FAM184A: variants seen among roughly 807,000 people sequenced by gnomAD.
The protein encoded by FAM184A is protein FAM184A.
FAM184A carries 99 observed loss-of-function variants against 143.8 expected under a neutral mutation model. That is an observed-to-expected ratio of 0.69 (90% confidence interval 0.58 to 0.81). The LOEUF (loss-of-function observed/expected upper bound fraction) is 0.81. Ranked by LOEUF, FAM184A falls within the 40% of genes least tolerant of loss-of-function variation. The pLI, the probability that FAM184A is intolerant of heterozygous loss-of-function variation, is 0.00. For missense variants in FAM184A, 1,217 were observed against 1,310.5 expected, an observed-to-expected ratio of 0.93 and a Z score of 1.10; for synonymous variants, 427 against 446.4, an observed-to-expected ratio of 0.96 and a Z score of 0.55.
rs890699933 is a variant in FAM184A at position 118,988,801 on chromosome 6, C to A, written c.2089-8451G>T. On this transcript the variant is annotated intron_variant, in intron 9 of 17. Transcript: ENST00000338891. ...ATACACCATTGGAAAAACCTACATA[C>A]CCCTCCCTCCTAATATGGGGGAAAA... Among the ~76,000 whole-genome samples the A allele has an allele frequency of 9.9e-5, 15 of 151,584 alleles. No homozygotes were observed. In the East Asian group the frequency reaches 2.5e-3, roughly 26 times the overall value.
At chr6:119,101,894 A>G (rs1007074917) in intron 1 of FAM184A, among the ~76,000 whole-genome samples, 4 of 152,056 alleles carry the variant, frequency 2.6e-5, no homozygotes, top group Non-Finnish European at 4.4e-5. Context: ...TGTCTGTACT[A>G]AAAATACAAA....
Position 119,129,286 on chromosome 6 carries a change from C to T in FAM184A, c.-202+19792G>A, listed in dbSNP as rs1339129913. 6.6e-5 allele frequency among the ~76,000 whole-genome samples: 10 copies of T among 152,194 alleles called. No homozygotes were observed. The East Asian group carries it at 1.9e-3, about 29-fold the overall frequency. On this transcript the variant is annotated intron_variant, in intron 1 of 16. Coordinates refer to the FAM184A transcript ENST00000352896. ...GACCTCCTGAGGATCTGTGGCTGGG[C>T]AGAGACACCTAAATGTGATCTGCAG... is the stretch of plus-strand genomic sequence containing the variant.
chr6:118,969,845 G>A (rs1783621594), intron 14 of FAM184A, among the ~76,000 whole-genome samples: 1 of 141,732 alleles, frequency 7.1e-6, no homozygotes, highest in Non-Finnish European at 1.5e-5. Context: ...CCCCTCCCTG[G>A]GCCCACATGT....
At chr6:119,058,604 A>AC (rs1787101720) in intron 1 of FAM184A, among the ~76,000 whole-genome samples, 1 of 152,192 alleles carries the variant, frequency 6.6e-6, no homozygotes, top group African/African-American at 2.4e-5. Flanking sequence ...CTAGGTCAGT[A>AC]GGAGCCTGGC....
In FAM184A at chr6:119,078,454, C is replaced by T. The variant is rs117115414; in HGVS notation, c.-155G>A. On this transcript the variant is annotated 5_prime_UTR_variant, in exon 1 of 18. Coordinates refer to ENST00000338891, the MANE Select transcript of FAM184A (RefSeq NM_024581.6). This position sits in a 1 kb window ranked among gnomAD's most constrained non-coding sequence, Gnocchi z 5.5. The stretch of plus-strand genomic sequence containing the variant: ...GCCGCAGGCGCCGTCCCACCCGCGA[C>T]CCCCGGGTCACCCCTGGAAGGGACG... 0.014 allele frequency: 10,445 copies of T among 720,550 alleles called. 658 individuals are homozygous for T. In the Admixed American group the frequency reaches 0.16, roughly 11 times the overall value. The allele number at this position is 720,550 out of a possible 1,614,324, so 44.6% of individuals were successfully genotyped here. A position where few individuals can be genotyped will look rare whatever the true frequency, so the allele number is the denominator to read the frequency against.
At chr6:118,995,078 T>C (rs1275903850) in intron 9 of FAM184A, among the ~76,000 whole-genome samples, 1 of 152,182 alleles carries the variant, frequency 6.6e-6, no homozygotes, top group Non-Finnish European at 1.5e-5. Context: ...ATATTGATAC[T>C]AGTCTTACAT....
intron 1 of FAM184A, among the ~76,000 whole-genome samples, chr6:119,083,758 A>G (rs1788138468): frequency 6.6e-6 from 1 of 152,134 alleles, no homozygotes; most frequent in South Asian, 2.1e-4. Context: ...TCATTCAACA[A>G]GTCTCTAGGA....
intron 13 of FAM184A, 109 bp from the exon 14 acceptor site, chr6:118,974,683 T>C (rs1244687064): frequency 2.1e-6 from 2 of 939,058 alleles, no homozygotes; most frequent in Non-Finnish European, 1.5e-6. Context: ...ATATAGAAAA[T>C]TTATGTAAAC....
intron 1 of FAM184A, among the ~76,000 whole-genome samples, chr6:119,029,752 T>G (rs1785800839): frequency 6.6e-6 from 1 of 152,206 alleles, no homozygotes; most frequent in South Asian, 2.1e-4. Context: ...TCACTTGACA[T>G]TCTAATGCAG....
At chr6:118,992,359 C>T (rs571521960) in intron 9 of FAM184A, among the ~76,000 whole-genome samples, 1 of 152,236 alleles carries the variant, frequency 6.6e-6, no homozygotes, top group African/African-American at 2.4e-5. Context: ...AAAAGTGTTC[C>T]CTTAGCCTCA....
intron 14 of FAM184A, among the ~76,000 whole-genome samples, chr6:118,969,270 C>T (rs975957523): frequency 2.0e-5 from 3 of 152,092 alleles, no homozygotes; most frequent in African/African-American, 4.8e-5. Flanking sequence ...TACCCAGTCT[C>T]GGGCATGACT....
At chr6:119,042,567 G>C (rs1786379697) in intron 1 of FAM184A, among the ~76,000 whole-genome samples, 1 of 152,030 alleles carries the variant, frequency 6.6e-6, no homozygotes, top group South Asian at 2.1e-4. Flanking sequence ...CCAATAATTT[G>C]GGGTAATTCA....
At chr6:118,992,485 A>T (rs1309236895) in intron 9 of FAM184A, among the ~76,000 whole-genome samples, 1 of 152,182 alleles carries the variant, frequency 6.6e-6, no homozygotes, top group African/African-American at 2.4e-5. Flanking sequence ...GTCCTTATAA[A>T]GAAATCCCAG....
At chr6:119,113,599 G>C (rs966948722) in intron 1 of FAM184A, among the ~76,000 whole-genome samples, 1 of 151,872 alleles carries the variant, frequency 6.6e-6, no homozygotes, top group African/African-American at 2.4e-5. Context: ...AAATAGGTGA[G>C]TACAGTACAA....
intron 1 of FAM184A, among the ~76,000 whole-genome samples, chr6:119,130,937 A>G (rs1243199079): frequency 6.7e-6 from 1 of 149,620 alleles, no homozygotes; most frequent in East Asian, 2.0e-4. Context: ...GCTCACTGCA[A>G]CCTCTGCCTC....
At chr6:119,024,912 C>G in intron 1 of FAM184A, 99 bp from the exon 2 acceptor site, 1 of 1,132,260 alleles carries the variant, frequency 8.8e-7, no homozygotes, top group East Asian at 2.3e-5. Context: ...TTTCTATGCA[C>G]ATAATATTGG....
upstream of FAM184A, chr6:119,079,281 T>A (rs1271366274): frequency 2.6e-5 from 4 of 152,292 alleles, no homozygotes; most frequent in Middle Eastern, 3.4e-3. Flanking sequence ...TCCTTTTCAG[T>A]CAGCTGGTGG....
At position 118,960,013 on chromosome 6, in the gene FAM184A, T is replaced by C. The variant is rs2114523063; in HGVS notation, c.*90A>G. 1.0e-6 allele frequency: 1 copy of C among 962,132 alleles called. No homozygotes were observed. Among genetic ancestry groups the C allele is most frequent in the South Asian group, 1.7e-5 (1 of 57,716 alleles). The allele number at this position is 962,132 out of a possible 1,614,324, so 59.6% of individuals were successfully genotyped here. On this transcript the variant is annotated 3_prime_UTR_variant, in exon 18 of 18. Coordinates refer to ENST00000338891, the MANE Select transcript of FAM184A (RefSeq NM_024581.6). ...GACAAATACTTTCTCATTCACAGTG[T>C]TTGACATAGGAAAGCCTATTTACAT... is the stretch of plus-strand genomic sequence containing the variant.
chr6:119,145,117 C>T (rs1772383938), intron 1 of FAM184A, among the ~76,000 whole-genome samples: 1 of 152,164 alleles, frequency 6.6e-6, no homozygotes, highest in Non-Finnish European at 1.5e-5. Context: ...TGGCACTGGC[C>T]AGAGATTGGC....
Sources: gnomAD v4.1 joint callset for allele counts (sites outside exome capture counted in the v4.1 genomes callset) on GRCh38, gnomAD v4.1.1 for gene constraint, Gnocchi (gnomAD v3.1) non-coding constraint, MANE v1.5 for transcripts, NCBI Gene and HGNC (gene_info 2026-07-23, HGNC 2026-07-21) for gene names.